POGZ: variants seen among roughly 807,000 people sequenced by gnomAD.
POGZ encodes pogo transposable element with ZNF domain.
In POGZ, 17 loss-of-function variants were observed where a neutral mutation model predicts 134.6. The ratio of observed to expected loss-of-function variants is 0.13; its 90% CI spans 0.09 to 0.19. The LOEUF is 0.19. Ranked by LOEUF, POGZ falls within the 10% of genes least tolerant of loss-of-function variation. The probability of loss-of-function intolerance (pLI) is 1.00; values close to 1 mark genes in which losing one functional copy is unlikely to be tolerated. For missense variants in POGZ, 1,306 were observed against 1,769.7 expected (o/e 0.74, Z 4.70); for synonymous variants, 693 against 657.1 (o/e 1.05, Z -0.84).
chr1:151,418,881 C>T lies in POGZ; in HGVS notation c.1678+4516G>A, dbSNP rs141047648. Among the ~76,000 whole-genome samples the T allele has an allele frequency of 4.9e-3, 731 of 150,454 alleles. 9 individuals carry two copies. The highest frequency in any genetic ancestry group is 0.017 in the African/African-American group (686 of 40,922). On this transcript the variant is annotated intron_variant, in intron 10 of 18. Coordinates refer to ENST00000271715, the MANE Select transcript of POGZ (RefSeq NM_015100.4). ...TCTACTAAAAATACAAAAAATTAGC[C>T]GGGCATGGTGGTGGGCGCCTGTAAT...
At chr1:151,458,962 C>T (rs1249469505) in intron 1 of POGZ, among the ~76,000 whole-genome samples, 190 bp downstream of exon 1, 1 of 144,648 alleles carries the variant, frequency 6.9e-6, no homozygotes, top group African/African-American at 2.5e-5. Context: ...CGCGGCCGCC[C>T]CTGCCGCGGG....
intron 10 of POGZ, among the ~76,000 whole-genome samples, chr1:151,423,039 GC>G (rs373900213): frequency 7.9e-5 from 12 of 152,076 alleles, no homozygotes; most frequent in African/African-American, 2.9e-4. Flanking sequence ...TTATCTTTTA[GC>G]CTACATAAAA....
chr1:151,436,546 C>T (rs1206147036), intron 3 of POGZ, among the ~76,000 whole-genome samples: 4 of 152,116 alleles, frequency 2.6e-5, no homozygotes, highest in South Asian at 4.1e-4. Context: ...CGAGTGCAAA[C>T]GATTCTCCTG....
At chr1:151,449,332 T>C (rs963438049) in intron 1 of POGZ, among the ~76,000 whole-genome samples, 1 of 152,094 alleles carries the variant, frequency 6.6e-6, no homozygotes, top group African/African-American at 2.4e-5. Context: ...CAGAGGGCAT[T>C]TGGCAATGTC....
At chr1:151,422,529 AC>A (rs1450502868) in intron 10 of POGZ, among the ~76,000 whole-genome samples, 1 of 152,122 alleles carries the variant, frequency 6.6e-6, no homozygotes, top group Non-Finnish European at 1.5e-5. Context: ...GTGTAGAAAA[AC>A]ATTCCAGCTT....
intron 1 of POGZ, among the ~76,000 whole-genome samples, chr1:151,455,382 A>G (rs1473735692): frequency 6.6e-6 from 1 of 152,236 alleles, no homozygotes; most frequent in Non-Finnish European, 1.5e-5. Flanking sequence ...TCCCCAGGTC[A>G]CTGCCTCTTC....
Position 151,403,221 on chromosome 1 carries a change from A to C in POGZ, c.*1581T>G. 1 of 985,834 alleles carries C rather than the reference A, an allele frequency of 1.0e-6. No individual in the cohort carries two copies. Among genetic ancestry groups the C allele is most frequent in the Non-Finnish European group, 1.2e-6 (1 of 829,914 alleles). 61.1% of individuals were successfully genotyped at this position (985,834 alleles called of 1,614,324 possible). On this transcript the variant is annotated 3_prime_UTR_variant, in exon 19 of 19. Coordinates refer to ENST00000271715, the MANE Select transcript of POGZ (RefSeq NM_015100.4). ...GGGGATGAAAAAACAAACAAACAAAAAAGCAGGGTGGGGTGGGAGAAATGG... is the reference window on the plus strand; with the variant it reads ...GGGGATGAAAAAACAAACAAACAAACAAGCAGGGTGGGGTGGGAGAAATGG...
rs1377437933 is a variant in POGZ, at chr1:151,428,353, G to T, written c.629C>A (p.Thr210Asn). Residue 210 changes from threonine to asparagine, a missense_variant, in exon 6 of 19, where the codon ACC becomes AAC. This residue lies in a region of POGZ where 541 missense variants were observed against 680.5 expected (regional missense o/e 0.80). Transcript: ENST00000271715. ...VGVPQVFSQM[T>N]PVRPGSTMPV... is the part of the protein sequence containing the mutation. ...CATTGTGGAGCCTGGCCTCACAGGG[G>T]TCATCTGGGAGAACACTTGTGGAAC... 6.2e-7 allele frequency: 1 copy of T among 1,613,966 alleles called. No individual in the cohort carries two copies. Among genetic ancestry groups the T allele is most frequent in the South Asian group, 1.1e-5 (1 of 91,076 alleles).
intron 12 of POGZ, among the ~76,000 whole-genome samples, chr1:151,411,223 C>T (rs1275143319): frequency 6.6e-6 from 1 of 152,192 alleles, no homozygotes; most frequent in Non-Finnish European, 1.5e-5. Flanking sequence ...CACTGAATCT[C>T]TCTCAATTTC....
At position 151,405,535 on chromosome 1, in the gene POGZ, C is replaced by T. The variant is rs1653420053; in HGVS notation, c.3500G>A (p.Gly1167Asp). The T allele has an allele frequency of 6.2e-7, 1 of 1,614,100 alleles. No homozygotes were observed. Among genetic ancestry groups the T allele is most frequent in the Non-Finnish European group, 8.5e-7 (1 of 1,180,044 alleles). The change falls in exon 19 of 19, where the codon GGC becomes GAC. Residue 1167 changes from glycine to aspartate, a missense_variant. Physicochemically the swap from Gly to Asp is moderately conservative, Grantham distance 94. Transcript: ENST00000271715. The surrounding 1 kb of genome is among the most constrained non-coding windows in gnomAD (Gnocchi z 4.9). ...GAAAACCAGGGTGGGAAGGACAGTG[C>T]CATCTGCCAGAATGGCTAGGACTAC... ...CDVVLAILAD[G>D]TVLPTLVFYR...
chr1:151,455,012 G>A (rs1407450992), intron 1 of POGZ: 1 of 151,912 alleles, frequency 6.6e-6, no homozygotes, highest in African/African-American at 2.4e-5. Flanking sequence ...GAAGCTGAAG[G>A]AGGAGAATCG....
chr1:151,433,518 G>A (rs1557921398), intron 3 of POGZ, among the ~76,000 whole-genome samples: 2 of 145,992 alleles, frequency 1.4e-5, no homozygotes, highest in Non-Finnish European at 3.0e-5. Context: ...TGAGGCAAGA[G>A]TATTGCTTGA....
intron 7 of POGZ, chr1:151,426,624 C>T (rs956533014): frequency 2.6e-5 from 4 of 152,116 alleles, no homozygotes; most frequent in Non-Finnish European, 5.9e-5. Context: ...TGTGGCTTCC[C>T]TTTTCACTGT....
intron 3 of POGZ, among the ~76,000 whole-genome samples, chr1:151,435,012 T>G (rs1659342815): frequency 6.6e-6 from 1 of 151,426 alleles, no homozygotes; most frequent in Non-Finnish European, 1.5e-5. Flanking sequence ...GTGGTTCTTC[T>G]GCTCAGCCTC....
chr1:151,456,987 C>A (rs1456952210), intron 1 of POGZ, among the ~76,000 whole-genome samples: 1 of 152,210 alleles, frequency 6.6e-6, no homozygotes, highest in Non-Finnish European at 1.5e-5. Context: ...TTTTACCCAG[C>A]CTTGCTTTTG....
Position 151,405,449 on chromosome 1 carries a change from C to G in POGZ, c.3586G>C (p.Glu1196Gln). The change falls in exon 19 of 19, where the codon GAG (glutamate) becomes CAG (glutamine). Residue 1196 changes from glutamate (E) to glutamine (Q), a missense_variant. Transcript: ENST00000271715. This position sits in a 1 kb window ranked among gnomAD's most constrained non-coding sequence, Gnocchi z 4.9. Reference sequence around the variant, plus strand: ...ATCTCGTCATCACTGTAGCCACTCTCCTTTGCCTCTAGCAATATGGAGTCT... The same window carrying G: ...ATCTCGTCATCACTGTAGCCACTCTGCTTTGCCTCTAGCAATATGGAGTCT... ...MPDSILLEAK[E>Q]SGYSDDEIME... The G allele has an allele frequency of 1.9e-6, 3 of 1,614,242 alleles. No individual in the cohort carries two copies. The highest frequency in any genetic ancestry group is 1.7e-6 in the Non-Finnish European group (2 of 1,180,046).
At chr1:151,413,005 T>C (rs189711058) in intron 10 of POGZ, among the ~76,000 whole-genome samples, 1 of 152,156 alleles carries the variant, frequency 6.6e-6, no homozygotes, top group East Asian at 1.9e-4. Context: ...GGTAATTTCA[T>C]GTTGGCCAGG....
Position 151,404,192 on chromosome 1 carries a change from A to G in POGZ, c.*610T>C. 1.0e-6 allele frequency: 1 copy of G among 985,604 alleles called. No individual in the cohort carries two copies. The highest frequency in any genetic ancestry group is 1.2e-6 in the Non-Finnish European group (1 of 829,776). 61.1% of individuals were successfully genotyped at this position (985,604 alleles called of 1,614,324 possible). ...TGGAGAGGGAAGGAAAGAAAAGGAG[A>G]AGGAAGAGAGAGTTCAGTGGGACTT... On this transcript the variant is annotated 3_prime_UTR_variant, in exon 19 of 19. Transcript: ENST00000271715.
At chr1:151,438,458 T>C (rs971358733) in intron 3 of POGZ, among the ~76,000 whole-genome samples, 4 of 152,148 alleles carry the variant, frequency 2.6e-5, no homozygotes, top group Non-Finnish European at 5.9e-5. Flanking sequence ...TTAGAGGCTT[T>C]TGAAGTAAAT....
Sources: gnomAD v4.1 joint callset for allele counts (sites outside exome capture counted in the v4.1 genomes callset) on GRCh38, gnomAD v4.1.1 for gene constraint, gnomAD v4.1.1 regional missense constraint, Gnocchi (gnomAD v3.1) non-coding constraint, MANE v1.5 for transcripts, NCBI Gene and HGNC (gene_info 2026-07-23, HGNC 2026-07-21) for gene names.